The following POLG variants were observed in gnomAD, a reference collection of about 807,000 sequenced individuals.
The protein encoded by POLG is DNA polymerase gamma, catalytic subunit.
Under a neutral mutation model 155.4 loss-of-function variants are expected in POLG, and 110 were observed. The observed-to-expected ratio is 0.71, with a 90% confidence interval of 0.61 to 0.83. The LOEUF is 0.83. Among genes scored for constraint, POLG ranks in the 40% least tolerant of loss-of-function variants. POLG has a pLI of 0.00. For synonymous variants in POLG, 701 were observed against 631.5 expected, an observed-to-expected ratio of 1.11 and a Z score of -1.65; for missense variants, 1,685 against 1,627.5, an observed-to-expected ratio of 1.04 and a Z score of -0.61.
chr15:89,325,211 T>TGAGA (rs1555453351), intron 10 of POLG, among the ~76,000 whole-genome samples: 2 of 38,332 alleles, frequency 5.2e-5, no homozygotes, highest in Non-Finnish European at 1.0e-4. Flanking sequence ...AGTGAGAGAG[T>TGAGA]GAGTGAGTGA....
Sources: allele counts gnomAD v4.1 joint callset (sites outside exome capture counted in the v4.1 genomes callset), GRCh38; gene constraint gnomAD v4.1.1; transcripts MANE v1.5; gene names NCBI Gene and HGNC (gene_info 2026-07-23, HGNC 2026-07-21).